The following CCDC169 variants were observed in gnomAD, a reference collection of about 807,000 sequenced individuals.
The protein encoded by CCDC169 is coiled-coil domain-containing protein 169.
CCDC169 carries 30 observed loss-of-function variants against 36.0 expected under a neutral mutation model. The observed-to-expected ratio is 0.83, with a 90% confidence interval of 0.62 to 1.13. The LOEUF is 1.13. Among genes scored for constraint, CCDC169 ranks in the 50% most tolerant of loss-of-function variants. The probability of loss-of-function intolerance (pLI) is 0.00; values close to 1 mark genes in which losing one functional copy is unlikely to be tolerated. For missense variants in CCDC169, 245 were observed against 245.9 expected (o/e 1.00, Z 0.03); for synonymous variants, 85 against 81.5 (o/e 1.04, Z -0.23).
intron 4 of CCDC169, among the ~76,000 whole-genome samples, chr13:36,257,380 T>C (rs1874027987): frequency 6.6e-6 from 1 of 152,160 alleles, no homozygotes; most frequent in African/African-American, 2.4e-5. Flanking sequence ...AGTTTCCTTC[T>C]GCTTCAGGGA....
chr13:36,229,341 T>C (rs1055136591), downstream of CCDC169, among the ~76,000 whole-genome samples: 1 of 152,106 alleles, frequency 6.6e-6, no homozygotes, highest in Non-Finnish European at 1.5e-5. Context: ...TTTTATGGTA[T>C]CTGAAAAGTA....
intron 4 of CCDC169, among the ~76,000 whole-genome samples, chr13:36,264,491 C>T (rs1331799478): frequency 6.6e-6 from 1 of 151,942 alleles, no homozygotes; most frequent in African/African-American, 2.4e-5. Flanking sequence ...ATGTTAGGCT[C>T]AGGAGTCTAA....
intron 7 of CCDC169, among the ~76,000 whole-genome samples, chr13:36,248,149 C>G (rs1426767757): frequency 2.0e-5 from 3 of 152,050 alleles, no homozygotes; most frequent in Non-Finnish European, 4.4e-5. Context: ...AGACATAATG[C>G]TATTGCATAC....
chr13:36,293,816 C>T (rs1879179976), intron 2 of CCDC169, among the ~76,000 whole-genome samples: 1 of 152,102 alleles, frequency 6.6e-6, no homozygotes, highest in South Asian at 2.1e-4. Flanking sequence ...TCCAGGTGAA[C>T]CAACCCAGTT....
chr13:36,225,052 A>G (rs1869790990), downstream of CCDC169: 1 of 152,216 alleles, frequency 6.6e-6, no homozygotes, highest in Non-Finnish European at 1.5e-5. Flanking sequence ...AGGACTCCCT[A>G]TTCAACAAAT....
chr13:36,292,214 G>A (rs1020559224), intron 2 of CCDC169, among the ~76,000 whole-genome samples: 4 of 151,878 alleles, frequency 2.6e-5, no homozygotes, highest in African/African-American at 7.3e-5. Context: ...GGCTGGTCTC[G>A]AACTTCTGAC....
chr13:36,248,028 T>C (rs9546874), intron 7 of CCDC169, among the ~76,000 whole-genome samples: 61,627 of 151,958 alleles, frequency 0.41, 13,281 homozygotes, highest in Non-Finnish European at 0.48. Context: ...CCATCAACAT[T>C]GAGGCAAGAC....
intron 4 of CCDC169, among the ~76,000 whole-genome samples, chr13:36,262,233 G>A (rs1874697003): frequency 6.6e-6 from 1 of 152,132 alleles, no homozygotes; most frequent in Non-Finnish European, 1.5e-5. Context: ...GGGGAGGTAT[G>A]TGATCTCATC....
chr13:36,288,153 C>T lies in CCDC169; in HGVS notation c.164-4451G>A, dbSNP rs141562385. Among the ~76,000 whole-genome samples, 1,158 of 151,978 alleles carry T rather than the reference C, an allele frequency of 7.6e-3. 14 individuals carry two copies. The highest frequency in any genetic ancestry group is 0.034 in the Middle Eastern group (10 of 294). On this transcript the variant is annotated intron_variant, in intron 2 of 7. Transcript: ENST00000239859. ...CCTCCCGAGTAGCTGGGACTACAGG[C>T]GCCCATCACCATGCCTGGCTAATTT... is the stretch of plus-strand genomic sequence containing the variant.
rs866617353 is a variant in CCDC169, at chr13:36,265,155, A to T, written c.316-11012T>A. ...TTCTAGCAGCTCTCATTTTAGGTAA[A>T]CAGATCTCAGTTGTGACCGTCCACT... On this transcript the variant is annotated intron_variant, in intron 4 of 7. Coordinates refer to ENST00000239859, the MANE Select transcript of CCDC169 (RefSeq NM_001144981.3). Among the ~76,000 whole-genome samples the T allele has an allele frequency of 3.3e-5, 5 of 152,276 alleles. No individual in the cohort carries two copies. The South Asian group carries it at 1.0e-3, about 32-fold the overall frequency.
At chr13:36,225,528 C>T (rs9531631), downstream of CCDC169, 61,703 of 152,020 alleles carry the variant, frequency 0.41, 13,297 homozygotes, top group Non-Finnish European at 0.48. Context: ...TTCTGGATGT[C>T]GGCCTTGCAA....
At position 36,272,251 on chromosome 13, in the gene CCDC169, G is replaced by T. The variant is rs78133677; in HGVS notation, c.315+11218C>A. ...AAAAAAACCATTTGTACCCCAAAAT[G>T]TATTGAAATAAAAAATTTTTGAAAA... On this transcript the variant is annotated intron_variant, in intron 4 of 7. Transcript: ENST00000239859. Among the ~76,000 whole-genome samples, 418 of 150,570 alleles carry T rather than the reference G, an allele frequency of 2.8e-3. 2 individuals are homozygous for T. The highest frequency in any genetic ancestry group is 9.9e-3 in the African/African-American group (408 of 41,186).
intron 6 of CCDC169, among the ~76,000 whole-genome samples, chr13:36,251,733 A>G (rs1873196857): frequency 6.6e-6 from 1 of 152,198 alleles, no homozygotes; most frequent in South Asian, 2.1e-4. Context: ...GACCTCAGGG[A>G]GGAACCTACA....
chr13:36,296,908 G>A (rs1029357584), intron 1 of CCDC169, among the ~76,000 whole-genome samples: 1 of 152,192 alleles, frequency 6.6e-6, no homozygotes, highest in Non-Finnish European at 1.5e-5. Flanking sequence ...GACAAGAGAT[G>A]GAGTTTGTGT....
At chr13:36,235,265 A>G (rs1870934589) in intron 7 of CCDC169, among the ~76,000 whole-genome samples, 1 of 151,806 alleles carries the variant, frequency 6.6e-6, no homozygotes, top group African/African-American at 2.4e-5. Flanking sequence ...TATAAAACCA[A>G]TCCTTCACAC....
intron 4 of CCDC169, among the ~76,000 whole-genome samples, chr13:36,269,277 T>C (rs1302392520): frequency 6.6e-6 from 1 of 152,140 alleles, no homozygotes; most frequent in East Asian, 1.9e-4. Context: ...GAATCAGTAA[T>C]TTAAAAGTTG....
At position 36,297,663 on chromosome 13, in the gene CCDC169, C is replaced by T. The variant is rs376668604; in HGVS notation, c.57G>A (p.Gln19=). 1.7e-5 allele frequency: 26 copies of T among 1,551,270 alleles called. No homozygotes were observed. In the African/African-American group the frequency reaches 3.4e-4, roughly 20 times the overall value. ...FDGVSTNRLK[Q]QLLEEVRKKD... ...TCTTGCGGACTTCTTCCAGCAACTGCTGTTTCAGGCGGTTGGTGCTCACAC... is the reference window on the plus strand; with the variant it reads ...TCTTGCGGACTTCTTCCAGCAACTGTTGTTTCAGGCGGTTGGTGCTCACAC... The change falls in exon 1 of 8, where the codon CAG becomes CAA. Residue 19 remains glutamine, a synonymous_variant. Coordinates refer to ENST00000239859, the MANE Select transcript of CCDC169 (RefSeq NM_001144981.3).
intron 7 of CCDC169, among the ~76,000 whole-genome samples, chr13:36,248,323 G>GTAGT (rs1872738314): frequency 6.6e-6 from 1 of 151,902 alleles, no homozygotes; most frequent in South Asian, 2.1e-4. Context: ...TGTTAATGGT[G>GTAGT]TAGTTTTAAG....
intron 2 of CCDC169, among the ~76,000 whole-genome samples, chr13:36,291,471 T>C (rs1327644759): frequency 1.3e-5 from 2 of 152,164 alleles, no homozygotes; most frequent in African/African-American, 2.4e-5. Flanking sequence ...GAATTGTGGG[T>C]GGGATCATTT....
Sources: gnomAD v4.1 joint callset for allele counts (sites outside exome capture counted in the v4.1 genomes callset) on GRCh38, gnomAD v4.1.1 for gene constraint, MANE v1.5 for transcripts, NCBI Gene and HGNC (gene_info 2026-07-23, HGNC 2026-07-21) for gene names.